Variants in MICU1 observed in about 807,000 individuals in gnomAD.
MICU1 encodes calcium uptake protein 1, mitochondrial.
Under a neutral mutation model 56.8 loss-of-function variants are expected in MICU1, and 45 were observed. That is an observed-to-expected ratio of 0.79 (90% confidence interval 0.62 to 1.02). The LOEUF (loss-of-function observed/expected upper bound fraction) is 1.02. Among genes scored for constraint, MICU1 ranks in the 50% least tolerant of loss-of-function variants. The pLI is 0.00. For synonymous variants in MICU1, 186 were observed against 195.1 expected (o/e 0.95, Z 0.39); for missense variants, 504 against 587.1 (o/e 0.86, Z 1.46).
chr10:72,532,773 A>T, intron 5 of MICU1: 1 of 791,820 alleles, frequency 1.3e-6, no homozygotes, highest in African/African-American at 1.9e-5. Flanking sequence ...CCACCTTAAT[A>T]GGAAAGGTAA....
chr10:72,603,965 C>T (rs1406477231), intron 1 of MICU1, among the ~76,000 whole-genome samples: 2 of 152,076 alleles, frequency 1.3e-5, no homozygotes, highest in Non-Finnish European at 2.9e-5. Flanking sequence ...AGTTCTGTGG[C>T]AGAAATTCAA....
chr10:72,570,986 G>A (rs539192839), intron 1 of MICU1, among the ~76,000 whole-genome samples: 14 of 152,152 alleles, frequency 9.2e-5, no homozygotes, highest in African/African-American at 3.4e-4. Context: ...ATGCATATCT[G>A]GAGGAAACAT....
intron 8 of MICU1, 110 bp from the exon 9 acceptor site, chr10:72,423,481 T>C: frequency 7.6e-7 from 1 of 1,315,896 alleles, no homozygotes; most frequent in Non-Finnish European, 1.0e-6. Flanking sequence ...TGACTGGGAC[T>C]ATATTTTTGA....
intron 8 of MICU1, among the ~76,000 whole-genome samples, chr10:72,438,394 A>T (rs1864806203): frequency 6.6e-6 from 1 of 152,220 alleles, no homozygotes; most frequent in Non-Finnish European, 1.5e-5. Context: ...GACACATTTA[A>T]AGCAGCGTGT....
intron 10 of MICU1, among the ~76,000 whole-genome samples, chr10:72,382,910 T>C (rs1425951065): frequency 1.3e-5 from 2 of 152,032 alleles, no homozygotes; most frequent in East Asian, 1.9e-4. Context: ...CTCCGTCCAA[T>C]AGTAACTTGC....
intron 6 of MICU1, among the ~76,000 whole-genome samples, chr10:72,491,670 TC>T (rs1335103979): frequency 6.6e-6 from 1 of 152,138 alleles, no homozygotes; most frequent in African/African-American, 2.4e-5. Context: ...ACTAATCTGG[TC>T]CTATATAACA....
At chr10:72,427,622 A>G (rs1429327145) in intron 8 of MICU1, among the ~76,000 whole-genome samples, 2 of 151,910 alleles carry the variant, frequency 1.3e-5, no homozygotes, top group East Asian at 3.9e-4. Flanking sequence ...TTTGGGGACC[A>G]GGTGTAGTGC....
At chr10:72,409,642 G>A (rs1863742250) in intron 9 of MICU1, among the ~76,000 whole-genome samples, 1 of 152,214 alleles carries the variant, frequency 6.6e-6, no homozygotes, top group African/African-American at 2.4e-5. Context: ...AGGGAGCTGA[G>A]ATCATGCCAC....
At chr10:72,539,167 G>A (rs1234854187) in intron 4 of MICU1, among the ~76,000 whole-genome samples, 1 of 152,088 alleles carries the variant, frequency 6.6e-6, no homozygotes, top group Non-Finnish European at 1.5e-5. Context: ...CCCACTTTCA[G>A]TAACGGGCAG....
intron 6 of MICU1, among the ~76,000 whole-genome samples, chr10:72,481,388 G>C (rs1866289937): frequency 6.6e-6 from 1 of 152,046 alleles, no homozygotes; most frequent in Non-Finnish European, 1.5e-5. Flanking sequence ...TTCTGAAAGA[G>C]GAATTTTGGT....
intron 5 of MICU1, among the ~76,000 whole-genome samples, chr10:72,531,931 C>T (rs1279076476): frequency 6.9e-6 from 1 of 144,070 alleles, no homozygotes; most frequent in Non-Finnish European, 1.5e-5. Flanking sequence ...GACGGAGTCT[C>T]GCTCTGTTGC....
intron 10 of MICU1, among the ~76,000 whole-genome samples, chr10:72,393,699 T>G (rs1863154642): frequency 6.6e-6 from 1 of 152,130 alleles, no homozygotes. Flanking sequence ...GGAGGTAAAC[T>G]CAAGGATTTA....
At chr10:72,493,097 C>A (rs908128115) in intron 6 of MICU1, among the ~76,000 whole-genome samples, 2 of 152,012 alleles carry the variant, frequency 1.3e-5, no homozygotes, top group Admixed American at 6.6e-5. Context: ...AGCCTGCTTA[C>A]CCCCCAAACA....
chr10:72,375,002 G>C (rs1313858583), intron 11 of MICU1, among the ~76,000 whole-genome samples: 1 of 151,300 alleles, frequency 6.6e-6, no homozygotes, highest in African/African-American at 2.4e-5. Flanking sequence ...ATAGAGACGG[G>C]GTTTCACCAT....
chr10:72,427,311 T>C (rs1483105931), intron 8 of MICU1, among the ~76,000 whole-genome samples: 2 of 152,206 alleles, frequency 1.3e-5, no homozygotes, highest in Non-Finnish European at 2.9e-5. Flanking sequence ...CATCCGTCCC[T>C]TGTCGTTTTG....
At chr10:72,561,929 T>C (rs1736005035) in intron 3 of MICU1, among the ~76,000 whole-genome samples, 1 of 152,154 alleles carries the variant, frequency 6.6e-6, no homozygotes, top group African/African-American at 2.4e-5. Context: ...ATAACTCAAA[T>C]TATCTTGTTG....
At chr10:72,504,706 G>GA (rs1317479124) in intron 6 of MICU1, among the ~76,000 whole-genome samples, 1 of 152,066 alleles carries the variant, frequency 6.6e-6, no homozygotes, top group Non-Finnish European at 1.5e-5. Flanking sequence ...CAGAATGGGG[G>GA]AAAATATTCA....
chr10:72,476,640 T>C (rs1471816006), intron 7 of MICU1, among the ~76,000 whole-genome samples: 2 of 152,216 alleles, frequency 1.3e-5, no homozygotes, highest in African/African-American at 4.8e-5. Flanking sequence ...CATACAGTTT[T>C]TCTGTTTTGA....
At chr10:72,516,883 T>C (rs1867663074) in intron 5 of MICU1, among the ~76,000 whole-genome samples, 6 of 152,152 alleles carry the variant, frequency 3.9e-5, no homozygotes, top group Admixed American at 3.9e-4. Flanking sequence ...GGTAAAGAAG[T>C]AGAGAGGGAG....
Sources: allele counts gnomAD v4.1 joint callset (sites outside exome capture counted in the v4.1 genomes callset), GRCh38; gene constraint gnomAD v4.1.1; transcripts MANE v1.5; gene names NCBI Gene and HGNC (gene_info 2026-07-23, HGNC 2026-07-21).